The following GLRA2 variants were observed in gnomAD, a reference collection of about 807,000 sequenced individuals.
GLRA2 encodes the protein glycine receptor subunit alpha-2.
Under a neutral mutation model 31.6 loss-of-function variants are expected in GLRA2, and 11 were observed. That is an observed-to-expected ratio of 0.35 (90% CI 0.22 to 0.58). The LOEUF is 0.58. Ranked by LOEUF, GLRA2 falls within the 20% of genes least tolerant of loss-of-function variation. The pLI is 0.84. For missense variants in GLRA2, 212 were observed against 351.8 expected, an observed-to-expected ratio of 0.60 and a Z score of 3.18; for synonymous variants, 132 against 134.0, an observed-to-expected ratio of 0.99 and a Z score of 0.10.
the GLRA2 span, among the ~76,000 whole-genome samples, chrX:14,521,461 G>A: frequency 9.0e-6 from 1 of 111,620 alleles, no homozygotes; most frequent in Non-Finnish European, 1.9e-5. Context: ...TTGCATCAGT[G>A]CCCTCTCCCA....
At chrX:14,557,206 C>T (rs2089658554) in intron 2 of GLRA2, among the ~76,000 whole-genome samples, 1 of 99,185 alleles carries the variant, frequency 1.0e-5, no homozygotes, top group African/African-American at 3.8e-5. Context: ...AGCTCCGCCT[C>T]CTGGGTTCAC....
At chrX:14,597,266 A>G (rs1415378320) in intron 4 of GLRA2, among the ~76,000 whole-genome samples, 1 of 112,077 alleles carries the variant, frequency 8.9e-6, no homozygotes, top group African/African-American at 3.2e-5. Context: ...ATGTTGGATG[A>G]CAAAGCCCTA....
chrX:14,480,035 T>G, the GLRA2 span, among the ~76,000 whole-genome samples: 9 of 111,481 alleles, frequency 8.1e-5, no homozygotes, highest in Non-Finnish European at 7.5e-5. Flanking sequence ...CCAATATCTG[T>G]TTTTTGATTT....
chrX:14,578,743 T>A (rs1277903041), intron 3 of GLRA2, among the ~76,000 whole-genome samples: 2 of 111,912 alleles, frequency 1.8e-5, no homozygotes, highest in Admixed American at 9.5e-5. Context: ...TTTGAGAATT[T>A]TAGTAATGTC....
intron 8 of GLRA2, among the ~76,000 whole-genome samples, chrX:14,727,650 CACTT>C (rs2091943846): frequency 1.8e-5 from 2 of 112,269 alleles, no homozygotes; most frequent in Non-Finnish European, 3.8e-5. Flanking sequence ...TGAAAGGCTT[CACTT>C]ATTTAAAACT....
At chrX:14,523,656 T>C in the GLRA2 span, among the ~76,000 whole-genome samples, 1 of 111,503 alleles carries the variant, frequency 9.0e-6, no homozygotes, top group South Asian at 3.8e-4. Flanking sequence ...CTCATTTCAA[T>C]ATTGTTGTGT....
chrX:14,645,078 T>C (rs1214817185), intron 7 of GLRA2, among the ~76,000 whole-genome samples: 1 of 112,002 alleles, frequency 8.9e-6, no homozygotes, highest in Non-Finnish European at 1.9e-5. Flanking sequence ...CTTTACTATA[T>C]GGCCATTAAT....
Position 14,731,364 on chromosome X carries a change from G to C in GLRA2, c.*879G>C, listed in dbSNP as rs2091991738. ...TTTTGCTTTGGCTATATTTACACGT[G>C]ACTTTAATCGCCCAACTGTGACTAG... On this transcript the variant is annotated 3_prime_UTR_variant, in exon 9 of 9. Coordinates refer to ENST00000218075, the MANE Select transcript of GLRA2 (RefSeq NM_002063.4). 1 of 111,680 alleles carries C rather than the reference G, an allele frequency of 9.0e-6. No homozygotes were observed. The highest frequency in any genetic ancestry group is 3.3e-5 in the African/African-American group (1 of 30,599). 9.2% of individuals were successfully genotyped at this position (111,680 alleles called of 1,213,427 possible). A position where few individuals can be genotyped will look rare whatever the true frequency, so the allele number is the denominator to read the frequency against.
At chrX:14,717,139 C>T (rs1002263730) in intron 8 of GLRA2, among the ~76,000 whole-genome samples, 1 of 110,806 alleles carries the variant, frequency 9.0e-6, no homozygotes, top group Non-Finnish European at 1.9e-5. Flanking sequence ...CTTCTTTATT[C>T]AACATTACTG....
chrX:14,582,198 C>A (rs1385708620), intron 4 of GLRA2, among the ~76,000 whole-genome samples: 2 of 80,440 alleles, frequency 2.5e-5, no homozygotes, highest in Non-Finnish European at 4.8e-5. Flanking sequence ...AGGTATATCT[C>A]CCAATGCTAT....
chrX:14,502,027 C>T, the GLRA2 span, among the ~76,000 whole-genome samples: 13 of 111,310 alleles, frequency 1.2e-4, no homozygotes, highest in Non-Finnish European at 2.3e-4. Context: ...ACTCCAATAA[C>T]CTCATTTAGC....
chrX:14,482,109 T>G, the GLRA2 span, among the ~76,000 whole-genome samples: 1 of 112,116 alleles, frequency 8.9e-6, no homozygotes. Flanking sequence ...TCTATGATGA[T>G]GAATGAAATT....
chrX:14,458,162 G>T, the GLRA2 span, among the ~76,000 whole-genome samples: 1 of 110,399 alleles, frequency 9.1e-6, no homozygotes, highest in African/African-American at 3.3e-5. Context: ...GAGAATGATG[G>T]TTTCCAGCTT....
At chrX:14,617,449 G>C (rs2090466109) in intron 7 of GLRA2, among the ~76,000 whole-genome samples, 1 of 111,663 alleles carries the variant, frequency 9.0e-6, no homozygotes, top group African/African-American at 3.3e-5. Flanking sequence ...TTCCCTCCCT[G>C]TGTCTACACC....
At chrX:14,650,752 C>A (rs1212419827) in intron 7 of GLRA2, among the ~76,000 whole-genome samples, 2 of 111,737 alleles carry the variant, frequency 1.8e-5, no homozygotes, top group Non-Finnish European at 3.8e-5. Context: ...TCATTTGCAT[C>A]CCAAAAGAGA....
chrX:14,489,696 C>A, the GLRA2 span, among the ~76,000 whole-genome samples: 3 of 111,646 alleles, frequency 2.7e-5, no homozygotes, highest in African/African-American at 9.8e-5. Flanking sequence ...CCCTTACCAC[C>A]TGGCTGTCTC....
chrX:14,561,382 G>T (rs951197490), intron 2 of GLRA2, among the ~76,000 whole-genome samples: 1 of 112,263 alleles, frequency 8.9e-6, no homozygotes, highest in Non-Finnish European at 1.9e-5. Context: ...TAGGAGCAGG[G>T]CCAGGCAAAG....
At chrX:14,452,344 G>A in the GLRA2 span, among the ~76,000 whole-genome samples, 2 of 112,237 alleles carry the variant, frequency 1.8e-5, no homozygotes, top group Non-Finnish European at 3.8e-5. Context: ...TAAAAGTTCT[G>A]ACTTTAAAAT....
At chrX:14,460,840 T>C in the GLRA2 span, among the ~76,000 whole-genome samples, 1 of 111,546 alleles carries the variant, frequency 9.0e-6, no homozygotes, top group African/African-American at 3.3e-5. Context: ...TTGAAGGGTT[T>C]TTTTTGTCTC....
Sources: allele counts gnomAD v4.1 joint callset (sites outside exome capture counted in the v4.1 genomes callset), GRCh38; gene constraint gnomAD v4.1.1; transcripts MANE v1.5; gene names NCBI Gene and HGNC (gene_info 2026-07-23, HGNC 2026-07-21).